RGS6: variants seen among roughly 807,000 people sequenced by gnomAD.
RGS6 encodes the protein regulator of G-protein signaling 6.
Under a neutral mutation model 78.5 loss-of-function variants are expected in RGS6, and 30 were observed. The ratio of observed to expected loss-of-function variants is 0.38; its 90% CI spans 0.29 to 0.52. The LOEUF is 0.52. Ranked by LOEUF, RGS6 falls within the 20% of genes least tolerant of loss-of-function variation. The pLI is 0.85. For missense variants in RGS6, 495 were observed against 609.7 expected (o/e 0.81, Z 1.98); for synonymous variants, 206 against 206.0 (o/e 1.00, Z 0.00).
chr14:71,868,881 A>C, the RGS6 span, among the ~76,000 whole-genome samples: 3 of 152,244 alleles, frequency 2.0e-5, no homozygotes, highest in South Asian at 4.1e-4. Flanking sequence ...CACAGCCCCA[A>C]AGTGTGGAAG....
At chr14:72,167,928 G>A (rs2096951814) in intron 2 of RGS6, among the ~76,000 whole-genome samples, 1 of 152,092 alleles carries the variant, frequency 6.6e-6, no homozygotes, top group Admixed American at 6.5e-5. Flanking sequence ...AGTCCTTGCT[G>A]TGCCTGGTTA....
chr14:72,350,323 C>T (rs1232763484), intron 2 of RGS6, among the ~76,000 whole-genome samples: 2 of 152,116 alleles, frequency 1.3e-5, no homozygotes, highest in African/African-American at 2.4e-5. Context: ...ATTCTGGGAT[C>T]TATGGCTGGA....
intron 3 of RGS6, among the ~76,000 whole-genome samples, chr14:72,354,345 GC>G (rs1197492056): frequency 6.6e-6 from 1 of 151,966 alleles, no homozygotes; most frequent in Non-Finnish European, 1.5e-5. Context: ...TAGATAGGGG[GC>G]CGGGTGCCGT....
intron 3 of RGS6, among the ~76,000 whole-genome samples, chr14:72,414,810 A>C (rs890111842): frequency 2.0e-5 from 3 of 152,136 alleles, no homozygotes; most frequent in African/African-American, 7.2e-5. Flanking sequence ...AGTTTGCTGG[A>C]GGTCCACTCC....
At chr14:72,036,679 T>G (rs2091760886) in intron 2 of RGS6, among the ~76,000 whole-genome samples, 1 of 152,174 alleles carries the variant, frequency 6.6e-6, no homozygotes, top group African/African-American at 2.4e-5. Context: ...CTGCTTGTTC[T>G]CTCAATATTG....
chr14:72,090,062 G>A (rs948593211), intron 2 of RGS6, among the ~76,000 whole-genome samples: 4 of 143,864 alleles, frequency 2.8e-5, no homozygotes, highest in African/African-American at 7.8e-5. Context: ...CAGCAGAGCC[G>A]AGATCATGCC....
chr14:72,422,122 A>G (rs2094214753), intron 3 of RGS6, among the ~76,000 whole-genome samples: 1 of 152,176 alleles, frequency 6.6e-6, no homozygotes, highest in Non-Finnish European at 1.5e-5. Flanking sequence ...GCCTGCTGCC[A>G]TCTATGTAAG....
At chr14:72,628,407 C>A in the RGS6 span, among the ~76,000 whole-genome samples, 15 of 152,146 alleles carry the variant, frequency 9.9e-5, no homozygotes, top group African/African-American at 3.6e-4. Flanking sequence ...TGATCTACAC[C>A]TGAAGGTAAC....
intron 2 of RGS6, among the ~76,000 whole-genome samples, chr14:72,045,667 A>G (rs1005435041): frequency 6.6e-6 from 1 of 151,954 alleles, no homozygotes; most frequent in Non-Finnish European, 1.5e-5. Flanking sequence ...TTCATGGCCT[A>G]TGACCTTCAC....
chr14:72,454,150 T>A (rs1277967424), intron 3 of RGS6, among the ~76,000 whole-genome samples: 1 of 152,200 alleles, frequency 6.6e-6, no homozygotes. Context: ...TGAGGTCACC[T>A]GTGTTGGTCA....
upstream of RGS6, among the ~76,000 whole-genome samples, chr14:71,927,859 C>T (rs866403705): frequency 6.6e-6 from 1 of 151,828 alleles, no homozygotes; most frequent in Non-Finnish European, 1.5e-5. Flanking sequence ...GGGGTTTCAC[C>T]GTGTTAGCCA....
At chr14:71,934,628 T>C (rs1479893433) in intron 1 of RGS6, among the ~76,000 whole-genome samples, 4 of 152,250 alleles carry the variant, frequency 2.6e-5, no homozygotes, top group African/African-American at 9.6e-5. Flanking sequence ...TAATTATTTA[T>C]TTATTTTTGA....
intron 12 of RGS6, among the ~76,000 whole-genome samples, chr14:72,489,326 G>C (rs1566967704): frequency 6.6e-6 from 1 of 152,206 alleles, no homozygotes. Context: ...CTGCTGGCTT[G>C]TCTTTGTGCT....
chr14:72,104,036 G>A (rs371042231), intron 2 of RGS6, among the ~76,000 whole-genome samples: 1 of 152,108 alleles, frequency 6.6e-6, no homozygotes, highest in African/African-American at 2.4e-5. Flanking sequence ...CTCTCTAGGC[G>A]TTTCCCCCAG....
intron 2 of RGS6, among the ~76,000 whole-genome samples, chr14:72,172,602 G>T (rs2097039732): frequency 6.6e-6 from 1 of 152,136 alleles, no homozygotes; most frequent in South Asian, 2.1e-4. Context: ...CACTAATTGT[G>T]ATGGTTGTTG....
intron 3 of RGS6, among the ~76,000 whole-genome samples, chr14:72,423,326 A>T (rs926286165): frequency 6.6e-6 from 1 of 152,160 alleles, no homozygotes; most frequent in Non-Finnish European, 1.5e-5. Flanking sequence ...CCTCAGGCTC[A>T]CGCTGATGGC....
At chr14:72,010,746 C>G (rs995726348) in intron 2 of RGS6, among the ~76,000 whole-genome samples, 1 of 152,208 alleles carries the variant, frequency 6.6e-6, no homozygotes, top group African/African-American at 2.4e-5. Context: ...AGGGCAGTTT[C>G]AATCTTCAAT....
At chr14:72,216,986 C>T (rs562326101) in intron 2 of RGS6, among the ~76,000 whole-genome samples, 9 of 152,232 alleles carry the variant, frequency 5.9e-5, no homozygotes, top group African/African-American at 2.2e-4. Flanking sequence ...AACAGAAAAA[C>T]AGGCACATTC....
intron 2 of RGS6, among the ~76,000 whole-genome samples, chr14:72,158,841 C>T (rs1293863048): frequency 8.1e-6 from 1 of 123,764 alleles, no homozygotes; most frequent in Non-Finnish European, 1.8e-5. Flanking sequence ...TATAACATTG[C>T]AGGGAATAGC....
Sources: gnomAD v4.1 joint callset for allele counts (sites outside exome capture counted in the v4.1 genomes callset) on GRCh38, gnomAD v4.1.1 for gene constraint, MANE v1.5 for transcripts, NCBI Gene and HGNC (gene_info 2026-07-23, HGNC 2026-07-21) for gene names.